The following PACSIN1 variants were observed in gnomAD, a reference collection of about 807,000 sequenced individuals.
PACSIN1 encodes the protein protein kinase C and casein kinase substrate in neurons 1.
A neutral mutation model predicts 59.5 loss-of-function variants in PACSIN1; 15 were observed. The observed-to-expected ratio is 0.25, with a 90% CI of 0.17 to 0.39. PACSIN1 has a LOEUF of 0.39. PACSIN1 is among the 10% of genes least tolerant of loss of function. The probability of loss-of-function intolerance (pLI) is 1.00; values close to 1 mark genes in which losing one functional copy is unlikely to be tolerated. For missense variants in PACSIN1, 420 were observed against 580.2 expected, an observed-to-expected ratio of 0.72 and a Z score of 2.84; for synonymous variants, 210 against 220.6, an observed-to-expected ratio of 0.95 and a Z score of 0.42.
At chr6:34,475,290 C>G (rs536351395) in intron 1 of PACSIN1, among the ~76,000 whole-genome samples, 43 of 148,100 alleles carry the variant, frequency 2.9e-4, no homozygotes, top group African/African-American at 9.8e-4. Context: ...CCTCTACTTT[C>G]AATGTTTCCT....
intron 3 of PACSIN1, among the ~76,000 whole-genome samples, chr6:34,527,951 G>A (rs1767519767): frequency 6.6e-6 from 1 of 152,240 alleles, no homozygotes; most frequent in Non-Finnish European, 1.5e-5. Flanking sequence ...TTTGGGACAT[G>A]TAATACGACC....
rs1189661928 is a variant in PACSIN1 at position 34,515,633 on chromosome 6, C to T, written c.-63-10610C>T. Among the ~76,000 whole-genome samples the T allele has an allele frequency of 6.6e-6, 1 of 152,194 alleles. No homozygotes were observed. Among genetic ancestry groups the T allele is most frequent in the Non-Finnish European group, 1.5e-5 (1 of 68,026 alleles). ...CCTGCCCCAACCTCAGGCCCTTCCC[C>T]TTCCTCGTTCTCCCTGGAGACTTAG... On this transcript the variant is annotated intron_variant, in intron 1 of 9. Transcript: ENST00000244458. The surrounding 1 kb of genome is among the most constrained non-coding windows in gnomAD (Gnocchi z 4.4).
chr6:34,531,647 A>G lies in PACSIN1; in HGVS notation c.1085A>G (p.Asp362Gly). 1 of 1,614,024 alleles carries G rather than the reference A, an allele frequency of 6.2e-7. No individual in the cohort carries two copies. Among genetic ancestry groups the G allele is most frequent in the African/African-American group, 1.3e-5 (1 of 75,054 alleles). ...CAGCCCTACGCCACCGAGTGGTCAG[A>G]CGACGAGAGTGGGAACCCCTTTGGG... is the stretch of plus-strand genomic sequence containing the variant. ...RGQPYATEWS[D>G]DESGNPFGGS... The change falls in exon 9 of 10, where the codon GAC becomes GGC. Residue 362 changes from aspartate (D) to glycine (G), a missense_variant. By Grantham distance (94) the Asp-to-Gly change is moderately conservative. Transcript: ENST00000244458. The surrounding 1 kb of genome is among the most constrained non-coding windows in gnomAD (Gnocchi z 4.4).
intron 1 of PACSIN1, among the ~76,000 whole-genome samples, chr6:34,496,538 CG>C (rs1766949946): frequency 6.6e-6 from 1 of 152,248 alleles, no homozygotes; most frequent in Non-Finnish European, 1.5e-5. Context: ...TGGCTGGAGA[CG>C]GGAGAGGCAG....
chr6:34,527,125 G>A (rs998401238), intron 2 of PACSIN1, among the ~76,000 whole-genome samples: 8 of 151,068 alleles, frequency 5.3e-5, no homozygotes. Context: ...CGGGGCCTGA[G>A]GCAGGGTGCT....
chr6:34,523,459 A>G (rs953223374), intron 1 of PACSIN1, among the ~76,000 whole-genome samples: 1 of 152,244 alleles, frequency 6.6e-6, no homozygotes, highest in Non-Finnish European at 1.5e-5. Flanking sequence ...TAGAGGAGGT[A>G]GACTTGACAT....
chr6:34,482,845 A>G (rs983289551), intron 1 of PACSIN1, among the ~76,000 whole-genome samples: 1 of 150,882 alleles, frequency 6.6e-6, no homozygotes, highest in Admixed American at 6.6e-5. Flanking sequence ...CGCCACACCC[A>G]GCTAATTTTT....
Position 34,488,840 on chromosome 6 carries a change from G to A in PACSIN1, c.-64+22570G>A, listed in dbSNP as rs530859231. ...CTCCCAAAATGCTGGGATTACAGGC[G>A]TGAGCCACCTCACCCGGCCTATTAT... is the stretch of plus-strand genomic sequence containing the variant. On this transcript the variant is annotated intron_variant, in intron 1 of 9. Coordinates refer to ENST00000244458, the MANE Select transcript of PACSIN1 (RefSeq NM_020804.5). This position sits in a 1 kb window ranked among gnomAD's most constrained non-coding sequence, Gnocchi z 4.7. 9.9e-5 allele frequency among the ~76,000 whole-genome samples: 15 copies of A among 152,226 alleles called. No homozygotes were observed. The highest frequency in any genetic ancestry group is 2.1e-4 in the South Asian group (1 of 4,820).
Position 34,514,108 on chromosome 6 carries a change from G to A in PACSIN1, c.-63-12135G>A, listed in dbSNP as rs906488264. On this transcript the variant is annotated intron_variant, in intron 1 of 9. Transcript: ENST00000244458. The surrounding 1 kb of genome is among the most constrained non-coding windows in gnomAD (Gnocchi z 4.4). ...ACTGTAGGAAGATACACAGACTTGT[G>A]GAAATGCATGTGTGCAAATATATGT... is the stretch of plus-strand genomic sequence containing the variant. Among the ~76,000 whole-genome samples the A allele has an allele frequency of 6.6e-6, 1 of 152,210 alleles. No individual in the cohort carries two copies. The highest frequency in any genetic ancestry group is 6.5e-5 in the Admixed American group (1 of 15,280).
At chr6:34,486,454 C>T (rs1766795434) in intron 1 of PACSIN1, among the ~76,000 whole-genome samples, 1 of 152,128 alleles carries the variant, frequency 6.6e-6, no homozygotes, top group Non-Finnish European at 1.5e-5. Context: ...GCCTGGAGGC[C>T]ACGGGGTATG....
At chr6:34,524,368 G>A (rs1204397464) in intron 1 of PACSIN1, among the ~76,000 whole-genome samples, 3 of 152,138 alleles carry the variant, frequency 2.0e-5, no homozygotes, top group African/African-American at 7.2e-5. Context: ...ATGCACATGA[G>A]GCAAAATTAA....
In PACSIN1 at chr6:34,488,947, G is replaced by A. The variant is rs1205466831; in HGVS notation, c.-64+22677G>A. ...CGTAATCCTAATACTTTGGGAGGCC[G>A]AGGCAGGTGGATCACTTGAGCCCAG... On this transcript the variant is annotated intron_variant, in intron 1 of 9. Transcript: ENST00000244458. This position sits in a 1 kb window ranked among gnomAD's most constrained non-coding sequence, Gnocchi z 4.7. 9.9e-5 allele frequency among the ~76,000 whole-genome samples: 15 copies of A among 152,114 alleles called. No individual in the cohort carries two copies. Among genetic ancestry groups the A allele is most frequent in the Admixed American group, 8.5e-4 (13 of 15,280 alleles).
rs868072995 is a variant in PACSIN1, at chr6:34,515,672, A to G, written c.-63-10571A>G. Among the ~76,000 whole-genome samples the G allele has an allele frequency of 6.6e-6, 1 of 152,054 alleles. No homozygotes were observed. Among genetic ancestry groups the G allele is most frequent in the Non-Finnish European group, 1.5e-5 (1 of 67,972 alleles). On this transcript the variant is annotated intron_variant, in intron 1 of 9. Transcript: ENST00000244458. The surrounding 1 kb of genome is among the most constrained non-coding windows in gnomAD (Gnocchi z 4.4). ...CTGGAGACTTAGTGAACTGTCCCCA[A>G]TCCCAGATCTCCCAAAGGACCCCCA...
chr6:34,483,795 A>G lies in PACSIN1; in HGVS notation c.-64+17525A>G, dbSNP rs369817159. Among the ~76,000 whole-genome samples the G allele has an allele frequency of 2.2e-3, 340 of 152,008 alleles. 2 individuals carry two copies. Among genetic ancestry groups the G allele is most frequent in the South Asian group, 8.9e-3 (43 of 4,810 alleles). ...CGAGTAGCTGGGATTGATTACAGGC[A>G]TGTGCCACCATGCCCGGCTAATTTT... On this transcript the variant is annotated intron_variant, in intron 1 of 9. Transcript: ENST00000244458.
In PACSIN1 at chr6:34,528,732, A is replaced by G. The variant is rs192786048; in HGVS notation, c.311A>G (p.Asn104Ser). The part of the protein sequence containing the change: ...VSELHQEVKN[N>S]LLNEDLEKVK... The stretch of plus-strand genomic sequence containing the variant: ...GAGCTGCACCAGGAGGTGAAGAACA[A>G]TCTGCTGAATGAGGACCTGGAGAAG... The change falls in exon 4 of 10, where the codon AAT (asparagine) becomes AGT (serine). Residue 104 changes from asparagine (N) to serine (S), a missense_variant. Physicochemically the swap from Asn to Ser is conservative, Grantham distance 46. Transcript: ENST00000244458. 2.7e-4 allele frequency: 434 copies of G among 1,614,158 alleles called. 1 individual carries two copies. Among genetic ancestry groups the G allele is most frequent in the Middle Eastern group, 1.8e-3 (11 of 6,062 alleles).
chr6:34,505,141 C>T (rs1203510831), intron 1 of PACSIN1, among the ~76,000 whole-genome samples: 2 of 152,102 alleles, frequency 1.3e-5, no homozygotes, highest in African/African-American at 4.8e-5. Flanking sequence ...ACTACAAGTG[C>T]ACGCCACCAC....
Position 34,533,220 on chromosome 6 carries a change from C to G in PACSIN1, c.*690C>G, listed in dbSNP as rs1229874795. ...AGGGTGAATGAAGGGCATGCAGGCC[C>G]TCAGCCCGGGCTGTGCCAGCCCTCC... On this transcript the variant is annotated 3_prime_UTR_variant, in exon 10 of 10. Transcript: ENST00000244458. 3.9e-5 allele frequency: 6 copies of G among 152,294 alleles called. No homozygotes were observed. The highest frequency in any genetic ancestry group is 7.3e-5 in the Non-Finnish European group (5 of 68,116). The allele number at this position is 152,294 out of a possible 1,614,324, so 9.4% of individuals were successfully genotyped here.
At chr6:34,485,312 T>C (rs1044333102) in intron 1 of PACSIN1, among the ~76,000 whole-genome samples, 4 of 151,892 alleles carry the variant, frequency 2.6e-5, no homozygotes, top group African/African-American at 9.7e-5. Flanking sequence ...AGCTGCCGTC[T>C]GGCAGATAGA....
chr6:34,530,439 C>A lies in PACSIN1; in HGVS notation c.910-21C>A. 1.3e-6 allele frequency: 2 copies of A among 1,597,176 alleles called. No homozygotes were observed. Among genetic ancestry groups the A allele is most frequent in the South Asian group, 1.1e-5 (1 of 88,894 alleles). ...CTCAGGGCATAGTCCCCCAGCCTGA[C>A]TGCTCCACTGGCCCCACCAGGAGTG... On this transcript the variant is annotated intron_variant, in intron 7 of 9. Coordinates refer to ENST00000244458, the MANE Select transcript of PACSIN1 (RefSeq NM_020804.5). This position sits in a 1 kb window ranked among gnomAD's most constrained non-coding sequence, Gnocchi z 4.4.
Sources: gnomAD v4.1 joint callset for allele counts (sites outside exome capture counted in the v4.1 genomes callset) on GRCh38, gnomAD v4.1.1 for gene constraint, Gnocchi (gnomAD v3.1) non-coding constraint, MANE v1.5 for transcripts, NCBI Gene and HGNC (gene_info 2026-07-23, HGNC 2026-07-21) for gene names.